CTDSPL: variants seen among roughly 807,000 people sequenced by gnomAD.
CTDSPL encodes CTD small phosphatase-like protein.
CTDSPL carries 8 observed loss-of-function variants against 30.5 expected under a neutral mutation model. The ratio of observed to expected loss-of-function variants is 0.26; its 90% CI spans 0.15 to 0.47. The LOEUF (loss-of-function observed/expected upper bound fraction) is 0.47. CTDSPL is among the 20% of genes least tolerant of loss of function. The pLI is 0.99. For missense variants in CTDSPL, 248 were observed against 366.1 expected (o/e 0.68, Z 2.63); for synonymous variants, 110 against 137.9 (o/e 0.80, Z 1.42).
At chr3:37,873,432 T>A (rs1184320428) in intron 1 of CTDSPL, among the ~76,000 whole-genome samples, 1 of 152,162 alleles carries the variant, frequency 6.6e-6, no homozygotes, top group African/African-American at 2.4e-5. Context: ...AAGTCTAGGG[T>A]CTGTCTACCA....
chr3:37,880,119 T>C (rs1371017969), intron 1 of CTDSPL, among the ~76,000 whole-genome samples: 1 of 147,814 alleles, frequency 6.8e-6, no homozygotes, highest in Non-Finnish European at 1.5e-5. Flanking sequence ...AGTAATATTA[T>C]ATATATATAA....
At chr3:37,885,486 C>T (rs114540118) in intron 1 of CTDSPL, among the ~76,000 whole-genome samples, 1,640 of 152,202 alleles carry the variant, frequency 0.011, 15 homozygotes, top group Non-Finnish European at 0.018. Flanking sequence ...AAAGTTGACT[C>T]CTCAGGGAAG....
At chr3:37,916,553 G>A (rs1698649868) in intron 1 of CTDSPL, among the ~76,000 whole-genome samples, 1 of 152,188 alleles carries the variant, frequency 6.6e-6, no homozygotes, top group Admixed American at 6.5e-5. Context: ...CACATAGGGA[G>A]AAGATGATAG....
chr3:37,976,630 CAA>C (rs1195626616), intron 7 of CTDSPL, among the ~76,000 whole-genome samples: 13 of 89,090 alleles, frequency 1.5e-4, no homozygotes, highest in Admixed American at 1.3e-4. Context: ...GACTCCGTCT[CAA>C]AAAAAAAAAA....
intron 3 of CTDSPL, among the ~76,000 whole-genome samples, chr3:37,960,507 T>TAA (rs1699228662): frequency 4.4e-5 from 1 of 22,834 alleles, no homozygotes; most frequent in African/African-American, 2.0e-4. Flanking sequence ...AAAAAAAAAA[T>TAA]ATATATATAT....
chr3:37,921,669 C>T (rs1462809360), intron 1 of CTDSPL, among the ~76,000 whole-genome samples: 1 of 150,890 alleles, frequency 6.6e-6, no homozygotes, highest in Non-Finnish European at 1.5e-5. Flanking sequence ...ACAGTATATG[C>T]AGCTTTTGTG....
At position 37,982,704 on chromosome 3, in the gene CTDSPL, A is replaced by C. The variant is rs1181453162; in HGVS notation, c.*1837A>C. ...TCTGAGTGTTCCAAACCAGTAATCCACATGCCAATTCAAATAGAACAGCCC... is the reference window on the plus strand; with the variant it reads ...TCTGAGTGTTCCAAACCAGTAATCCCCATGCCAATTCAAATAGAACAGCCC... On this transcript the variant is annotated 3_prime_UTR_variant, in exon 8 of 8. Transcript: ENST00000273179. The C allele has an allele frequency of 2.9e-5, 13 of 454,158 alleles. No homozygotes were observed. The highest frequency in any genetic ancestry group is 5.8e-5 in the Non-Finnish European group (13 of 224,896). 28.1% of individuals were successfully genotyped at this position (454,158 alleles called of 1,614,324 possible).
intron 7 of CTDSPL, among the ~76,000 whole-genome samples, chr3:37,980,121 C>T (rs921208939): frequency 6.6e-6 from 1 of 152,226 alleles, no homozygotes; most frequent in African/African-American, 2.4e-5. Context: ...ATAAATCTCT[C>T]CTTTGTACCC....
chr3:37,947,838 T>G (rs1407687952), intron 2 of CTDSPL, among the ~76,000 whole-genome samples: 1 of 152,234 alleles, frequency 6.6e-6, no homozygotes, highest in Non-Finnish European at 1.5e-5. Flanking sequence ...ATAAAATAAT[T>G]GAGTGTAACT....
rs568183289 is a variant in CTDSPL at position 37,918,351 on chromosome 3, A to G, written c.80-28706A>G. On this transcript the variant is annotated intron_variant, in intron 1 of 7. Coordinates refer to ENST00000273179, the MANE Select transcript of CTDSPL (RefSeq NM_001008392.2). The stretch of plus-strand genomic sequence containing the variant: ...TCAGCCTGTCCCCATTGCCTGTCTC[A>G]TCCAGCCAAGGCCTTTGCCAGCTTT... 3.3e-5 allele frequency among the ~76,000 whole-genome samples: 5 copies of G among 152,290 alleles called. No homozygotes were observed. In the South Asian group the frequency reaches 8.3e-4, roughly 25 times the overall value.
At chr3:37,887,788 T>C (rs1698279726) in intron 1 of CTDSPL, among the ~76,000 whole-genome samples, 1 of 152,224 alleles carries the variant, frequency 6.6e-6, no homozygotes, top group Admixed American at 6.5e-5. Flanking sequence ...ATCAATTATC[T>C]CCTGGTTGCA....
chr3:37,862,087 G>T lies in CTDSPL; in HGVS notation c.-113G>T. On this transcript the variant is annotated 5_prime_UTR_variant, in exon 1 of 8. Transcript: ENST00000273179. The surrounding 1 kb of genome is among the most constrained non-coding windows in gnomAD (Gnocchi z 4.3). ...GGGGCCGGGCGGCGGGCGCGCCCAGGCAGCGGCTGCGAGCGCCCCCCCGCG... is the reference window on the plus strand; with the variant it reads ...GGGGCCGGGCGGCGGGCGCGCCCAGTCAGCGGCTGCGAGCGCCCCCCCGCG... 9.4e-6 allele frequency: 2 copies of T among 212,882 alleles called. No individual in the cohort carries two copies. The highest frequency in any genetic ancestry group is 1.5e-5 in the Non-Finnish European group (2 of 129,600). 13.2% of individuals were successfully genotyped at this position (212,882 alleles called of 1,614,324 possible). A position where few individuals can be genotyped will look rare whatever the true frequency, so the allele number is the denominator to read the frequency against.
intron 6 of CTDSPL, 136 bp downstream of exon 6, chr3:37,971,635 G>C: frequency 1.4e-6 from 1 of 735,924 alleles, no homozygotes; most frequent in Non-Finnish European, 2.3e-6. Context: ...ACCCCAGATG[G>C]GATGGATGCA....
At chr3:37,938,676 TGG>T (rs1427168071) in intron 1 of CTDSPL, among the ~76,000 whole-genome samples, 6 of 127,526 alleles carry the variant, frequency 4.7e-5, no homozygotes, top group South Asian at 2.3e-4. Flanking sequence ...TGTTTTTTTG[TGG>T]GTTTTTTTTT....
At chr3:37,914,712 G>A (rs760368579) in intron 1 of CTDSPL, among the ~76,000 whole-genome samples, 12 of 151,856 alleles carry the variant, frequency 7.9e-5, no homozygotes, top group Middle Eastern at 3.4e-3. Flanking sequence ...TATTTTATTC[G>A]AGGCTTTGCT....
intron 1 of CTDSPL, among the ~76,000 whole-genome samples, chr3:37,892,049 A>G (rs916712737): frequency 6.6e-6 from 1 of 152,204 alleles, no homozygotes; most frequent in African/African-American, 2.4e-5. Context: ...CAGATCGGCC[A>G]CATTTTCAGG....
At position 37,983,325 on chromosome 3, in the gene CTDSPL, T is replaced by A. The variant is rs1699514638; in HGVS notation, c.*2458T>A. On this transcript the variant is annotated 3_prime_UTR_variant, in exon 8 of 8. Coordinates refer to ENST00000273179, the MANE Select transcript of CTDSPL (RefSeq NM_001008392.2). The stretch of plus-strand genomic sequence containing the variant: ...TATATCTATATCTATATATTTTTAA[T>A]CATCTACATGTAAATGAAGCAATAG... 1 of 152,598 alleles carries A rather than the reference T, an allele frequency of 6.6e-6. No individual in the cohort carries two copies. Among genetic ancestry groups the A allele is most frequent in the East Asian group, 1.9e-4 (1 of 5,204 alleles). The allele number at this position is 152,598 out of a possible 1,614,324, so 9.5% of individuals were successfully genotyped here.
In CTDSPL at chr3:37,982,393, G is replaced by A. The variant is rs372238850; in HGVS notation, c.*1526G>A. 1.2e-4 allele frequency: 44 copies of A among 375,922 alleles called. No homozygotes were observed. In the Middle Eastern group the frequency reaches 9.1e-3, roughly 77 times the overall value. The allele number at this position is 375,922 out of a possible 1,614,324, so 23.3% of individuals were successfully genotyped here. ...TCCTTGTTTGACAACAAGACAGTCT[G>A]TAAAGTATTGCTCTTAAAAACAATT... On this transcript the variant is annotated 3_prime_UTR_variant, in exon 8 of 8. Coordinates refer to ENST00000273179, the MANE Select transcript of CTDSPL (RefSeq NM_001008392.2).
intron 2 of CTDSPL, among the ~76,000 whole-genome samples, chr3:37,954,142 C>T (rs975378705): frequency 6.6e-6 from 1 of 152,136 alleles, no homozygotes; most frequent in Non-Finnish European, 1.5e-5. Flanking sequence ...GAGGAAATGG[C>T]ATGGCAGCCC....
Sources: gnomAD v4.1 joint callset for allele counts (sites outside exome capture counted in the v4.1 genomes callset) on GRCh38, gnomAD v4.1.1 for gene constraint, Gnocchi (gnomAD v3.1) non-coding constraint, MANE v1.5 for transcripts, NCBI Gene and HGNC (gene_info 2026-07-23, HGNC 2026-07-21) for gene names.